Variants in RGS7 observed in about 807,000 individuals in gnomAD.
RGS7 encodes regulator of G-protein signaling 7.
A neutral mutation model predicts 81.1 loss-of-function variants in RGS7; 27 were observed. The observed-to-expected ratio is 0.33, with a 90% confidence interval of 0.25 to 0.46. The LOEUF (loss-of-function observed/expected upper bound fraction) is 0.46, where lower values mean the gene tolerates loss of function less well. RGS7 is among the 20% of genes least tolerant of loss of function. The pLI, the probability that RGS7 is intolerant of heterozygous loss-of-function variation, is 1.00. For missense variants in RGS7, 396 were observed against 607.4 expected (o/e 0.65, Z 3.66); for synonymous variants, 208 against 207.7 (o/e 1.00, Z -0.01).
At chr1:241,273,245 T>C (rs1573457697) in intron 2 of RGS7, among the ~76,000 whole-genome samples, 1 of 141,556 alleles carries the variant, frequency 7.1e-6, no homozygotes. Context: ...CTGAGATGTG[T>C]CTGAACTTAG....
chr1:240,915,180 A>G (rs1473676081), intron 6 of RGS7, among the ~76,000 whole-genome samples: 1 of 152,150 alleles, frequency 6.6e-6, no homozygotes. Context: ...CCTGTCTCAA[A>G]AGAAACTGTA....
At chr1:241,226,052 A>C (rs1297258905) in intron 2 of RGS7, among the ~76,000 whole-genome samples, 2 of 152,206 alleles carry the variant, frequency 1.3e-5, no homozygotes, top group Non-Finnish European at 2.9e-5. Context: ...CATCTGCAAA[A>C]GCAGTTTCCT....
At chr1:240,846,472 T>G (rs1462862509) in intron 9 of RGS7, among the ~76,000 whole-genome samples, 1 of 152,190 alleles carries the variant, frequency 6.6e-6, no homozygotes, top group Non-Finnish European at 1.5e-5. Flanking sequence ...GCTTACAGGT[T>G]ACTGTAAGGT....
At chr1:241,122,595 A>G (rs1220753409) in intron 2 of RGS7, among the ~76,000 whole-genome samples, 1 of 151,354 alleles carries the variant, frequency 6.6e-6, no homozygotes, top group African/African-American at 2.4e-5. Flanking sequence ...CCCGAGAGGC[A>G]GAGATTGCAG....
At chr1:241,130,984 G>A (rs1038534319) in intron 2 of RGS7, among the ~76,000 whole-genome samples, 4 of 150,072 alleles carry the variant, frequency 2.7e-5, no homozygotes, top group Admixed American at 2.6e-4. Flanking sequence ...AGAACTGGCT[G>A]TAACATCATG....
At chr1:241,158,963 A>G (rs535098232) in intron 2 of RGS7, among the ~76,000 whole-genome samples, 5 of 152,300 alleles carry the variant, frequency 3.3e-5, no homozygotes, top group Admixed American at 1.3e-4. Context: ...CTCTCCATCC[A>G]TCAATTTATT....
At chr1:240,913,476 A>G (rs906639519) in intron 6 of RGS7, among the ~76,000 whole-genome samples, 4 of 152,108 alleles carry the variant, frequency 2.6e-5, no homozygotes, top group African/African-American at 7.2e-5. Context: ...TTCGGCCATA[A>G]TTTTCATTTT....
At chr1:241,068,223 A>G (rs1286735464) in intron 3 of RGS7, among the ~76,000 whole-genome samples, 1 of 5,990 alleles carries the variant, frequency 1.7e-4, no homozygotes, top group Non-Finnish European at 7.1e-4. Context: ...CTATCCATAA[A>G]TTGTGTGTGT....
intron 6 of RGS7, among the ~76,000 whole-genome samples, chr1:240,903,441 G>A (rs564882923): frequency 4.6e-5 from 7 of 151,994 alleles, no homozygotes; most frequent in African/African-American, 9.6e-5. Context: ...AATCTCCTTC[G>A]TCACTTAAGG....
At chr1:240,855,329 G>GAAAA (rs140107478) in intron 9 of RGS7, among the ~76,000 whole-genome samples, 2 of 114,834 alleles carry the variant, frequency 1.7e-5, no homozygotes, top group African/African-American at 7.1e-5. Flanking sequence ...AAAAAAAAAG[G>GAAAA]AGAAACAAAG....
chr1:241,325,999 G>A (rs1176858076), intron 2 of RGS7, among the ~76,000 whole-genome samples: 2 of 151,914 alleles, frequency 1.3e-5, no homozygotes, highest in Non-Finnish European at 1.5e-5. Flanking sequence ...CAGAGTGATC[G>A]GATCTACTGA....
At chr1:240,945,832 TTATC>T (rs1474601047) in intron 4 of RGS7, among the ~76,000 whole-genome samples, 3 of 152,218 alleles carry the variant, frequency 2.0e-5, no homozygotes, top group Non-Finnish European at 2.9e-5. Flanking sequence ...GCACATGTAT[TTATC>T]AATTTTTATT....
chr1:241,223,395 A>G (rs1362077570), intron 2 of RGS7, among the ~76,000 whole-genome samples: 1 of 152,192 alleles, frequency 6.6e-6, no homozygotes, highest in Non-Finnish European at 1.5e-5. Flanking sequence ...ATAAGTAAGA[A>G]TCACACTGTG....
At chr1:240,810,607 C>G (rs552307970) in intron 14 of RGS7, among the ~76,000 whole-genome samples, 5 of 152,000 alleles carry the variant, frequency 3.3e-5, no homozygotes, top group African/African-American at 1.2e-4. Context: ...CCACCATGCC[C>G]GGTTAATTTT....
chr1:241,025,419 C>T (rs925337704), intron 3 of RGS7, among the ~76,000 whole-genome samples: 3 of 152,128 alleles, frequency 2.0e-5, no homozygotes, highest in Non-Finnish European at 2.9e-5. Context: ...TGGTCTACAG[C>T]CAGGGAATAT....
At chr1:240,858,394 C>T (rs1002767279) in intron 9 of RGS7, among the ~76,000 whole-genome samples, 1 of 152,184 alleles carries the variant, frequency 6.6e-6, no homozygotes, top group Non-Finnish European at 1.5e-5. Context: ...ACATCCTCAC[C>T]AGCATTGGAT....
chr1:241,294,910 A>C (rs545440889), intron 2 of RGS7, among the ~76,000 whole-genome samples: 187 of 152,290 alleles, frequency 1.2e-3, no homozygotes, highest in Non-Finnish European at 1.4e-3. Flanking sequence ...TAGTCAACTA[A>C]AGAAACAAAT....
rs1553378554 is a variant in RGS7, at chr1:240,993,078, A to ATAAG, written c.176-9950_176-9949insCTTA. ...GAGCGAGAGGAGGAAGGAAAGAAAC[A>ATAAG]GAAGGAAGGAAGGAAGGAGGGAGGG... On this transcript the variant is annotated intron_variant, in intron 3 of 18. Transcript: ENST00000440928. 1.5e-4 allele frequency among the ~76,000 whole-genome samples: 17 copies of ATAAG among 110,800 alleles called. No individual in the cohort carries two copies. In the East Asian group the frequency reaches 4.8e-3, roughly 31 times the overall value. 72.7% of individuals were successfully genotyped at this position (110,800 alleles called of 152,430 possible).
intron 2 of RGS7, among the ~76,000 whole-genome samples, chr1:241,239,125 C>T (rs1462523977): frequency 3.3e-5 from 5 of 151,978 alleles, no homozygotes; most frequent in South Asian, 2.1e-4. Context: ...TGTGCCACCA[C>T]GCCCGGCTAA....
Sources: allele counts gnomAD v4.1 joint callset (sites outside exome capture counted in the v4.1 genomes callset), GRCh38; gene constraint gnomAD v4.1.1; transcripts MANE v1.5; gene names NCBI Gene and HGNC (gene_info 2026-07-23, HGNC 2026-07-21).